The following FTO variants were observed in gnomAD, a reference collection of about 807,000 sequenced individuals.
FTO encodes the protein alpha-ketoglutarate-dependent dioxygenase FTO.
A neutral mutation model predicts 63.9 loss-of-function variants in FTO; 47 were observed. The ratio of observed to expected loss-of-function variants is 0.74; its 90% CI spans 0.58 to 0.94. The LOEUF is 0.94. Among genes scored for constraint, FTO ranks in the 40% least tolerant of loss-of-function variants. The pLI, the probability that FTO is intolerant of heterozygous loss-of-function variation, is 0.00. For synonymous variants in FTO, 207 were observed against 224.4 expected, an observed-to-expected ratio of 0.92 and a Z score of 0.69; for missense variants, 562 against 618.1, an observed-to-expected ratio of 0.91 and a Z score of 0.96.
At chr16:54,055,798 TG>T (rs2085418876) in intron 8 of FTO, among the ~76,000 whole-genome samples, 1 of 152,258 alleles carries the variant, frequency 6.6e-6, no homozygotes. Flanking sequence ...AGCCTACTCA[TG>T]GGCACAATTC....
chr16:54,063,290 G>A (rs183410534), intron 8 of FTO, among the ~76,000 whole-genome samples: 93 of 152,244 alleles, frequency 6.1e-4, no homozygotes, highest in East Asian at 5.0e-3. Context: ...AGGGACAAGC[G>A]GAAGCAGGGG....
chr16:54,100,396 A>G (rs1313592010), intron 8 of FTO, among the ~76,000 whole-genome samples: 5 of 152,128 alleles, frequency 3.3e-5, no homozygotes, highest in African/African-American at 1.2e-4. Context: ...TCTGCCACCT[A>G]GGCTGGAGTG....
intron 1 of FTO, among the ~76,000 whole-genome samples, chr16:53,756,758 A>T (rs2076932958): frequency 1.3e-5 from 2 of 152,140 alleles, no homozygotes; most frequent in Non-Finnish European, 2.9e-5. Flanking sequence ...TTGCCTTTTA[A>T]TTTGAAGAAT....
intron 8 of FTO, among the ~76,000 whole-genome samples, chr16:53,976,634 T>C (rs1407051997): frequency 1.3e-5 from 2 of 152,230 alleles, no homozygotes; most frequent in Non-Finnish European, 2.9e-5. Flanking sequence ...GGCATTTTAA[T>C]ATAAATGCAT....
chr16:54,072,279 A>G (rs560557188), intron 8 of FTO: 1 of 152,298 alleles, frequency 6.6e-6, no homozygotes, highest in African/African-American at 2.4e-5. Context: ...TCATTCCATT[A>G]TCCTATTGAT....
At chr16:53,950,204 C>G (rs2082757476) in intron 8 of FTO, among the ~76,000 whole-genome samples, 2 of 110,316 alleles carry the variant, frequency 1.8e-5, no homozygotes, top group Admixed American at 2.1e-4. Context: ...ACAGATGGTC[C>G]TGTTCAGGTG....
chr16:53,933,458 C>T (rs1286550524), intron 7 of FTO, among the ~76,000 whole-genome samples: 3 of 152,114 alleles, frequency 2.0e-5, no homozygotes, highest in Non-Finnish European at 4.4e-5. Context: ...TCTTGATTTG[C>T]AACAGGCAAG....
At chr16:54,088,594 G>A (rs1030116608) in intron 8 of FTO, among the ~76,000 whole-genome samples, 2 of 152,116 alleles carry the variant, frequency 1.3e-5, no homozygotes, top group African/African-American at 2.4e-5. Flanking sequence ...GAGATATTTC[G>A]TATTTTGAAT....
chr16:53,763,432 T>C (rs2077119842), intron 1 of FTO, among the ~76,000 whole-genome samples: 1 of 152,216 alleles, frequency 6.6e-6, no homozygotes, highest in Admixed American at 6.5e-5. Context: ...GTAGTATGTC[T>C]GTTTTTTGCT....
chr16:54,022,250 A>T (rs2084620123), intron 8 of FTO, among the ~76,000 whole-genome samples: 1 of 152,224 alleles, frequency 6.6e-6, no homozygotes, highest in South Asian at 2.1e-4. Context: ...AGCGGCTCGT[A>T]GTCCATATGG....
At chr16:53,851,163 A>T (rs2079781593) in intron 4 of FTO, among the ~76,000 whole-genome samples, 1 of 151,908 alleles carries the variant, frequency 6.6e-6, no homozygotes, top group Non-Finnish European at 1.5e-5. Flanking sequence ...TGTAGGAAAA[A>T]ATGGCTGGGT....
At chr16:53,946,699 C>T (rs907988932) in intron 8 of FTO, among the ~76,000 whole-genome samples, 5 of 152,132 alleles carry the variant, frequency 3.3e-5, no homozygotes, top group East Asian at 3.9e-4. Flanking sequence ...TGCTGTGCTA[C>T]GGCTCTCTTT....
chr16:53,963,467 T>A (rs547364766), intron 8 of FTO, among the ~76,000 whole-genome samples: 1 of 152,306 alleles, frequency 6.6e-6, no homozygotes, highest in South Asian at 2.1e-4. Context: ...ATCCCCAGTG[T>A]TGGAGGAGGA....
At chr16:53,882,319 C>T (rs749451907) in intron 6 of FTO, among the ~76,000 whole-genome samples, 2 of 150,324 alleles carry the variant, frequency 1.3e-5, no homozygotes, top group Non-Finnish European at 3.0e-5. Flanking sequence ...GTAAGTAATA[C>T]ACTTAACACA....
chr16:54,062,327 A>G (rs1400220793), intron 8 of FTO, among the ~76,000 whole-genome samples: 9 of 152,016 alleles, frequency 5.9e-5, no homozygotes, highest in African/African-American at 2.2e-4. Flanking sequence ...GGCCGTTAAC[A>G]CCTTTTTGGT....
At chr16:54,061,444 G>T (rs1175701223) in intron 8 of FTO, among the ~76,000 whole-genome samples, 7 of 152,172 alleles carry the variant, frequency 4.6e-5, no homozygotes, top group Admixed American at 3.9e-4. Flanking sequence ...TAGATATTTT[G>T]CCATCTGACT....
intron 1 of FTO, among the ~76,000 whole-genome samples, chr16:53,728,778 T>TC (rs993070960): frequency 1.3e-5 from 2 of 150,962 alleles, no homozygotes; most frequent in African/African-American, 4.9e-5. Flanking sequence ...TTTTTTTTTT[T>TC]TTGTCAGGGA....
intron 8 of FTO, among the ~76,000 whole-genome samples, chr16:53,960,393 G>T (rs1015304105): frequency 5.9e-5 from 9 of 152,192 alleles, no homozygotes; most frequent in African/African-American, 2.2e-4. Flanking sequence ...CAATGGTATC[G>T]TTGGAGCTGC....
intron 1 of FTO, among the ~76,000 whole-genome samples, chr16:53,755,318 AC>A: frequency 6.6e-6 from 1 of 152,248 alleles, no homozygotes; most frequent in South Asian, 2.1e-4. Context: ...TGGACGGTTG[AC>A]ATGACCCAGA....
Sources: gnomAD v4.1 joint callset for allele counts (sites outside exome capture counted in the v4.1 genomes callset) on GRCh38, gnomAD v4.1.1 for gene constraint, MANE v1.5 for transcripts, NCBI Gene and HGNC (gene_info 2026-07-23, HGNC 2026-07-21) for gene names.